LRRC2: variants seen among roughly 807,000 people sequenced by gnomAD.
LRRC2 encodes leucine rich repeat containing 2.
Under a neutral mutation model 40.2 loss-of-function variants are expected in LRRC2, and 27 were observed. That is an observed-to-expected ratio of 0.67 (90% CI 0.49 to 0.93). LRRC2 has a LOEUF of 0.93. LRRC2 is among the 40% of genes least tolerant of loss of function. The probability of loss-of-function intolerance (pLI) is 0.00; values close to 1 mark genes in which losing one functional copy is unlikely to be tolerated. For missense variants in LRRC2, 402 were observed against 439.6 expected (o/e 0.91, Z 0.76); for synonymous variants, 147 against 158.9 (o/e 0.92, Z 0.56).
At chr3:46,547,874 G>T (rs1390599254) in intron 2 of LRRC2, among the ~76,000 whole-genome samples, 2 of 151,906 alleles carry the variant, frequency 1.3e-5, no homozygotes, top group Non-Finnish European at 2.9e-5. Context: ...ATAACCATAT[G>T]ATAAAAATGA....
At chr3:46,547,196 A>G (rs1428827160) in intron 2 of LRRC2, among the ~76,000 whole-genome samples, 3 of 152,170 alleles carry the variant, frequency 2.0e-5, no homozygotes, top group Admixed American at 2.0e-4. Context: ...CTGGAGTTTC[A>G]TGCTTGCCAT....
chr3:46,546,781 C>T (rs1270326588), intron 2 of LRRC2, among the ~76,000 whole-genome samples: 1 of 142,728 alleles, frequency 7.0e-6, no homozygotes, highest in Admixed American at 7.2e-5. Context: ...TGCAATGGCA[C>T]AGTCTCAGCT....
chr3:46,533,389 A>G (rs1041148828), intron 4 of LRRC2, among the ~76,000 whole-genome samples: 11 of 152,162 alleles, frequency 7.2e-5, no homozygotes, highest in Non-Finnish European at 1.5e-4. Context: ...AGGAATTACC[A>G]TATCTTACAA....
intron 1 of LRRC2, among the ~76,000 whole-genome samples, chr3:46,553,648 T>C (rs546829845): frequency 1.3e-5 from 2 of 151,944 alleles, no homozygotes; most frequent in South Asian, 4.2e-4. Flanking sequence ...TCACCACACT[T>C]GGTGAATTTT....
chr3:46,535,894 C>T (rs924936651), intron 4 of LRRC2, among the ~76,000 whole-genome samples: 1 of 152,162 alleles, frequency 6.6e-6, no homozygotes, highest in African/African-American at 2.4e-5. Flanking sequence ...ATTTAATCCT[C>T]ACAACAACGC....
chr3:46,544,906 G>T, intron 3 of LRRC2, 140 bp downstream of exon 3: 1 of 831,320 alleles, frequency 1.2e-6, no homozygotes, highest in South Asian at 1.6e-5. Context: ...ACTGCTTCCA[G>T]GACTGCGCTG....
chr3:46,539,008 C>A (rs944005960), intron 4 of LRRC2, 37 bp downstream of exon 4: 2 of 1,602,846 alleles, frequency 1.2e-6, no homozygotes, highest in East Asian at 4.5e-5. Flanking sequence ...CTGCTTAACA[C>A]ACCAGAGGCC....
intron 7 of LRRC2, among the ~76,000 whole-genome samples, chr3:46,523,285 C>T (rs990950862): frequency 6.6e-5 from 10 of 152,268 alleles, no homozygotes; most frequent in Middle Eastern, 3.4e-3. Flanking sequence ...AGAATGTAAT[C>T]GTGCTTCTTT....
chr3:46,559,901 G>A (rs765607830), intron 1 of LRRC2, among the ~76,000 whole-genome samples: 27 of 152,278 alleles, frequency 1.8e-4, no homozygotes, highest in Non-Finnish European at 3.4e-4. Context: ...TTAAGGGGGC[G>A]TTGAATGTGC....
At chr3:46,537,646 G>A (rs911769807) in intron 4 of LRRC2, among the ~76,000 whole-genome samples, 6 of 152,296 alleles carry the variant, frequency 3.9e-5, no homozygotes, top group South Asian at 2.1e-4. Context: ...GTCAAAAATG[G>A]TACTTTTCAG....
At chr3:46,558,142 C>T (rs1452102299) in intron 1 of LRRC2, 2 of 152,210 alleles carry the variant, frequency 1.3e-5, no homozygotes, top group African/African-American at 2.4e-5. Flanking sequence ...TGGATATTCT[C>T]ACATGCACAC....
chr3:46,543,405 A>G (rs1233534783), intron 3 of LRRC2, among the ~76,000 whole-genome samples: 1 of 152,118 alleles, frequency 6.6e-6, no homozygotes, highest in African/African-American at 2.4e-5. Flanking sequence ...TCACGAGGTC[A>G]GGAGATCGAG....
chr3:46,523,401 T>A (rs1703999063), intron 7 of LRRC2, among the ~76,000 whole-genome samples: 1 of 152,168 alleles, frequency 6.6e-6, no homozygotes, highest in Non-Finnish European at 1.5e-5. Context: ...TTAAAATACC[T>A]TTTACCTTAG....
At chr3:46,530,317 T>C (rs1257815634) in intron 5 of LRRC2, among the ~76,000 whole-genome samples, 4 of 152,182 alleles carry the variant, frequency 2.6e-5, no homozygotes, top group Non-Finnish European at 5.9e-5. Flanking sequence ...TGGTTGCTCA[T>C]GCCTGTAATT....
At chr3:46,551,723 G>A (rs1488526700) in intron 1 of LRRC2, 113 bp from the exon 2 acceptor site, 1 of 474,270 alleles carries the variant, frequency 2.1e-6, no homozygotes, top group Non-Finnish European at 3.3e-6. Flanking sequence ...ATGATGATAT[G>A]CCTTACTACT....
chr3:46,519,353 A>G (rs568880470), intron 8 of LRRC2, among the ~76,000 whole-genome samples: 19 of 152,356 alleles, frequency 1.2e-4, no homozygotes, highest in African/African-American at 3.4e-4. Flanking sequence ...CTTGGAAGCT[A>G]TATGACCCTA....
chr3:46,521,642 C>A lies in LRRC2; in HGVS notation c.946G>T (p.Asp316Tyr). The A allele has an allele frequency of 6.2e-7, 1 of 1,611,238 alleles. No individual in the cohort carries two copies. Among genetic ancestry groups the A allele is most frequent in the South Asian group, 1.1e-5 (1 of 90,698 alleles). Residue 316 changes from aspartate to tyrosine, a missense_variant, in exon 8 of 9, where the codon GAC becomes TAC. Coordinates refer to ENST00000395905, the MANE Select transcript of LRRC2 (RefSeq NM_024512.5). ...STPLKFVSLM[D>Y]NPIDNAQCED... is the part of the protein sequence containing the mutation. Reference sequence around the variant, plus strand: ...CATTGGGCATTATCAATAGGATTGTCCATAAGGCTTACAAATCTATTCGAG... The same window carrying A: ...CATTGGGCATTATCAATAGGATTGTACATAAGGCTTACAAATCTATTCGAG...
chr3:46,532,785 C>T lies in LRRC2; in HGVS notation c.615G>A (p.Glu205=). 4 of 1,613,368 alleles carry T rather than the reference C, an allele frequency of 2.5e-6. No individual in the cohort carries two copies. Among genetic ancestry groups the T allele is most frequent in the Non-Finnish European group, 3.4e-6 (4 of 1,179,666 alleles). ...GTTTATCTCTTACTTCAAAGGGCAG[C>T]TCCATTAATTCTAGATTTCCAGAAC... ...LDCSGNLELM[E]LPFELSNLKQ... The change falls in exon 5 of 9, where the codon GAG becomes GAA. Residue 205 remains glutamate, a synonymous_variant. Transcript: ENST00000395905.
At chr3:46,522,708 T>A (rs1703985687) in intron 7 of LRRC2, among the ~76,000 whole-genome samples, 1 of 149,590 alleles carries the variant, frequency 6.7e-6, no homozygotes, top group South Asian at 2.1e-4. Context: ...ATGAGAGAGA[T>A]CCCATCTCTG....
Sources: gnomAD v4.1 joint callset for allele counts (sites outside exome capture counted in the v4.1 genomes callset) on GRCh38, gnomAD v4.1.1 for gene constraint, MANE v1.5 for transcripts, NCBI Gene and HGNC (gene_info 2026-07-23, HGNC 2026-07-21) for gene names.